Variants in LRRC37A2 observed in about 807,000 individuals in gnomAD.
LRRC37A2 encodes leucine-rich repeat-containing protein 37A2.
A neutral mutation model predicts 68.8 loss-of-function variants in LRRC37A2; 9 were observed. The observed-to-expected ratio is 0.13, with a 90% CI of 0.08 to 0.23. The LOEUF is 0.23. LRRC37A2 is among the 10% of genes least tolerant of loss of function. The pLI is 1.00. For synonymous variants in LRRC37A2, 63 were observed against 367.6 expected, an observed-to-expected ratio of 0.17 and a Z score of 9.48; for missense variants, 168 against 950.4, an observed-to-expected ratio of 0.18 and a Z score of 10.82.
chr17:46,918,373 C>T, the LRRC37A2 span, among the ~76,000 whole-genome samples: 4 of 152,164 alleles, frequency 2.6e-5, no homozygotes, highest in Admixed American at 6.5e-5. Flanking sequence ...CCGCCGCCCC[C>T]GGCCTATAAC....
chr17:47,048,047 C>CTTTT, the LRRC37A2 span, among the ~76,000 whole-genome samples: 133 of 136,448 alleles, frequency 9.7e-4, 1 homozygote, highest in Admixed American at 1.5e-3. Context: ...TTTTTCAAAA[C>CTTTT]TTTTTTTTTT....
the LRRC37A2 span, chr17:46,872,922 A>T: frequency 3.8e-4 from 389 of 1,030,216 alleles, no homozygotes; most frequent in Middle Eastern, 1.3e-3. Context: ...AAATGAGAAG[A>T]GTCACAAGAG....
At chr17:46,727,283 T>C in the LRRC37A2 span, among the ~76,000 whole-genome samples, 3 of 152,120 alleles carry the variant, frequency 2.0e-5, no homozygotes, top group Non-Finnish European at 4.4e-5. Flanking sequence ...TCATAAGAAA[T>C]AAACTGCAAG....
the LRRC37A2 span, among the ~76,000 whole-genome samples, chr17:46,991,855 T>G: frequency 1.1e-4 from 17 of 152,348 alleles, no homozygotes; most frequent in Middle Eastern, 3.4e-3. Context: ...CTGTGGCTGC[T>G]TTTTTGCCAT....
the LRRC37A2 span, among the ~76,000 whole-genome samples, chr17:47,014,987 A>G: frequency 7.2e-4 from 107 of 147,990 alleles, 1 homozygote; most frequent in Non-Finnish European, 7.0e-4. Flanking sequence ...CTATCCCTAT[A>G]TAGGTATACC....
the LRRC37A2 span, among the ~76,000 whole-genome samples, chr17:46,457,954 C>CAT: frequency 1.7e-4 from 8 of 46,438 alleles, 2 homozygotes; most frequent in Non-Finnish European, 5.7e-4. Flanking sequence ...CACACACACA[C>CAT]ACACGAACAT....
the LRRC37A2 span, among the ~76,000 whole-genome samples, chr17:46,995,131 C>A: frequency 2.6e-5 from 4 of 152,096 alleles, no homozygotes; most frequent in African/African-American, 9.7e-5. Context: ...CCCACTCCCC[C>A]AAACAATACC....
At chr17:46,831,219 G>A in the LRRC37A2 span, among the ~76,000 whole-genome samples, 1 of 152,200 alleles carries the variant, frequency 6.6e-6, no homozygotes, top group South Asian at 2.1e-4. Flanking sequence ...TACAGTCTGT[G>A]TGGTCAGGGC....
chr17:46,992,853 C>CAAAAAAAAAAAAAAAAAAAAAAAAAAA, the LRRC37A2 span, among the ~76,000 whole-genome samples: 1 of 65,166 alleles, frequency 1.5e-5, no homozygotes, highest in Non-Finnish European at 2.6e-5. Flanking sequence ...AACTCCATCT[C>CAAAAAAAAAAAAAAAAAAAAAAAAAAA]AAAAAAAAAA....
the LRRC37A2 span, chr17:46,923,207 C>T: frequency 1.9e-6 from 3 of 1,549,476 alleles, no homozygotes; most frequent in African/African-American, 1.4e-5. Flanking sequence ...ATCCCCTGTT[C>T]CAGCAAACGC....
the LRRC37A2 span, among the ~76,000 whole-genome samples, chr17:46,845,919 T>C: frequency 6.6e-6 from 1 of 151,618 alleles, no homozygotes; most frequent in Admixed American, 6.6e-5. Flanking sequence ...GCCATCTGAG[T>C]AGCTGGGATT....
the LRRC37A2 span, among the ~76,000 whole-genome samples, chr17:46,946,456 C>A: frequency 9.2e-6 from 1 of 109,272 alleles, no homozygotes. Context: ...AGCAAAACTC[C>A]GTCTCAAAAA....
chr17:46,937,159 T>G, the LRRC37A2 span: 1 of 152,188 alleles, frequency 6.6e-6, no homozygotes, highest in Non-Finnish European at 1.5e-5. Flanking sequence ...TTTGGGTTGT[T>G]GGTTTAGGAA....
the LRRC37A2 span, among the ~76,000 whole-genome samples, chr17:47,001,769 C>T: frequency 9.0e-4 from 132 of 146,116 alleles, no homozygotes; most frequent in East Asian, 2.2e-3. Context: ...GTCACCAGGC[C>T]GGAGTGCAGT....
At chr17:47,045,433 A>C in the LRRC37A2 span, among the ~76,000 whole-genome samples, 1 of 151,254 alleles carries the variant, frequency 6.6e-6, no homozygotes, top group African/African-American at 2.4e-5. Context: ...CTCAAAATTC[A>C]TTAGAGGTAG....
At chr17:47,019,537 C>G in the LRRC37A2 span, 2,309 of 1,507,556 alleles carry the variant, frequency 1.5e-3, 8 homozygotes, top group Non-Finnish European at 1.7e-3. Flanking sequence ...CAGCTTCAGA[C>G]TCTGCATCGA....
chr17:46,833,720 G>A, the LRRC37A2 span, among the ~76,000 whole-genome samples: 49 of 152,286 alleles, frequency 3.2e-4, no homozygotes, highest in East Asian at 2.9e-3. Context: ...TGTTTCCCAC[G>A]TGAGTGAGCG....
the LRRC37A2 span, among the ~76,000 whole-genome samples, chr17:47,030,088 AATCATCATC>A: frequency 0.017 from 1,809 of 107,050 alleles, 75 homozygotes; most frequent in African/African-American, 0.025. Flanking sequence ...TAATAATAAT[AATCATCATC>A]ATCATCATCA....
At chr17:46,824,753 T>C in the LRRC37A2 span, among the ~76,000 whole-genome samples, 35 of 152,154 alleles carry the variant, frequency 2.3e-4, no homozygotes, top group African/African-American at 8.0e-4. Context: ...AGGTCTCAGA[T>C]AGAAGGGCCA....
Sources: allele counts gnomAD v4.1 joint callset (sites outside exome capture counted in the v4.1 genomes callset), GRCh38; gene constraint gnomAD v4.1.1; transcripts MANE v1.5; gene names NCBI Gene and HGNC (gene_info 2026-07-23, HGNC 2026-07-21).